The following SEMA4B variants were observed in gnomAD, a reference collection of about 807,000 sequenced individuals.
The protein encoded by SEMA4B is semaphorin-4B.
In SEMA4B, 55 loss-of-function variants were observed where a neutral mutation model predicts 88.1. The ratio of observed to expected loss-of-function variants is 0.62; its 90% CI spans 0.50 to 0.78. The LOEUF (loss-of-function observed/expected upper bound fraction) is 0.78. Among genes scored for constraint, SEMA4B ranks in the 30% least tolerant of loss-of-function variants. The pLI is 0.00. For synonymous variants in SEMA4B, 525 were observed against 473.6 expected, an observed-to-expected ratio of 1.11 and a Z score of -1.41; for missense variants, 1,062 against 1,111.9, an observed-to-expected ratio of 0.96 and a Z score of 0.64.
Position 90,201,470 on chromosome 15 carries a change from G to A in SEMA4B, c.-109G>A. The A allele has an allele frequency of 7.7e-7, 1 of 1,306,362 alleles. No individual in the cohort carries two copies. The allele number at this position is 1,306,362 out of a possible 1,614,324, so 80.9% of individuals were successfully genotyped here. On this transcript the variant is annotated 5_prime_UTR_variant, in exon 1 of 14. Transcript: ENST00000411539. ...TCCCGCCCCCCAGGTCCGGAGGCGGGGGCCCCCGGGGCGACTCGGGGGCGG... is the reference window on the plus strand; with the variant it reads ...TCCCGCCCCCCAGGTCCGGAGGCGGAGGCCCCCGGGGCGACTCGGGGGCGG...
intron 1 of SEMA4B, chr15:90,206,530 A>T: frequency 2.4e-6 from 1 of 413,604 alleles, no homozygotes; most frequent in Non-Finnish European, 4.5e-6. Context: ...GCTCAGGCTC[A>T]GTTGCGTTCA....
At chr15:90,213,402 C>T (rs1269233033) in intron 1 of SEMA4B, among the ~76,000 whole-genome samples, 2 of 152,260 alleles carry the variant, frequency 1.3e-5, no homozygotes, top group Non-Finnish European at 2.9e-5. Context: ...GCCCTTCACC[C>T]CCCTCTCCAA....
chr15:90,217,997 A>G, intron 3 of SEMA4B, 168 bp downstream of exon 3: 1 of 597,108 alleles, frequency 1.7e-6, no homozygotes, highest in Non-Finnish European at 3.0e-6. Context: ...CTACACTTAC[A>G]TCGCTACGAC....
intron 1 of SEMA4B, chr15:90,206,570 A>G (rs1244221149): frequency 3.9e-6 from 2 of 513,422 alleles, no homozygotes; most frequent in Non-Finnish European, 7.1e-6. Context: ...ACCCACTGCC[A>G]TGGCCGAGGA....
Position 90,223,910 on chromosome 15 carries a change from C to T in SEMA4B, c.1116C>T (p.Gly372=), listed in dbSNP as rs1046724414. ...TMKDVQRVFS[G]LYKEVNRETQ... ...AGGATGTGCAGAGAGTCTTCAGCGG[C>T]CTCTACAAGGAGGTGAACCGTGAGA... The change falls in exon 9 of 14, where the codon GGC becomes GGT. Residue 372 remains glycine, a synonymous_variant. Coordinates refer to ENST00000411539, the MANE Select transcript of SEMA4B (RefSeq NM_198925.4). 1 of 1,613,792 alleles carries T rather than the reference C, an allele frequency of 6.2e-7. No homozygotes were observed. Among genetic ancestry groups the T allele is most frequent in the African/African-American group, 1.3e-5 (1 of 74,932 alleles).
intron 1 of SEMA4B, chr15:90,192,007 G>T (rs1960358353): frequency 6.5e-6 from 1 of 152,694 alleles, no homozygotes; most frequent in Non-Finnish European, 1.5e-5. Context: ...CCAGGGCAGG[G>T]TGGAGAGCTG....
At position 90,225,938 on chromosome 15, in the gene SEMA4B, G is replaced by A. The variant is rs550734774; in HGVS notation, c.1688+111G>A. On this transcript the variant is annotated intron_variant, in intron 12 of 13. Transcript: ENST00000411539. ...CCACACAGCCTCGTTTATGTCCACT[G>A]TCTCAGCATAATTATTAATTAGCTC... 2.1e-5 allele frequency: 17 copies of A among 796,556 alleles called. No homozygotes were observed. In the African/African-American group the frequency reaches 2.7e-4, roughly 13 times the overall value. The allele number at this position is 796,556 out of a possible 1,614,324, so 49.3% of individuals were successfully genotyped here.
intron 4 of SEMA4B, chr15:90,220,145 C>T: frequency 4.4e-6 from 2 of 452,474 alleles, no homozygotes; most frequent in South Asian, 7.1e-5. Flanking sequence ...GCCACCCAGG[C>T]CTTGCTGCCC....
upstream of SEMA4B, among the ~76,000 whole-genome samples, chr15:90,196,702 T>G (rs540103381): frequency 2.6e-5 from 4 of 152,156 alleles, no homozygotes; most frequent in South Asian, 4.2e-4. Flanking sequence ...TTAGCCAGGA[T>G]GGTCTCGATC....
At chr15:90,187,061 G>C (rs1347917875) in intron 1 of SEMA4B, among the ~76,000 whole-genome samples, 1 of 152,244 alleles carries the variant, frequency 6.6e-6, no homozygotes, top group Non-Finnish European at 1.5e-5. Flanking sequence ...TCTCCCCGCT[G>C]CATGGGTCTT....
intron 9 of SEMA4B, among the ~76,000 whole-genome samples, chr15:90,224,410 A>G (rs895648845): frequency 6.6e-6 from 1 of 152,184 alleles, no homozygotes; most frequent in African/African-American, 2.4e-5. Context: ...CGTGCCAAAT[A>G]GTTTATTAGG....
chr15:90,206,532 T>A, intron 1 of SEMA4B: 1 of 415,588 alleles, frequency 2.4e-6, no homozygotes. Context: ...TCAGGCTCAG[T>A]TGCGTTCAAG....
Position 90,201,495 on chromosome 15 carries a change from G to C in SEMA4B, c.-84G>C. On this transcript the variant is annotated 5_prime_UTR_variant, in exon 1 of 14. Transcript: ENST00000411539. The stretch of plus-strand genomic sequence containing the variant: ...GGGCCCCCGGGGCGACTCGGGGGCG[G>C]ACCGCGGGGCGGAGCTGCCGCCCGT... The C allele has an allele frequency of 1.5e-6, 2 of 1,313,410 alleles. No homozygotes were observed. The highest frequency in any genetic ancestry group is 1.9e-6 in the Non-Finnish European group (2 of 1,034,598). The allele number at this position is 1,313,410 out of a possible 1,614,324, so 81.4% of individuals were successfully genotyped here. A position where few individuals can be genotyped will look rare whatever the true frequency, so the allele number is the denominator to read the frequency against.
intron 1 of SEMA4B, among the ~76,000 whole-genome samples, chr15:90,211,418 AC>A (rs1961261210): frequency 6.6e-6 from 1 of 151,898 alleles, no homozygotes; most frequent in African/African-American, 2.4e-5. Flanking sequence ...CCATGGGAGG[AC>A]CCTTGGCACA....
intron 12 of SEMA4B, among the ~76,000 whole-genome samples, chr15:90,226,980 AAGAG>A (rs1298903084): frequency 2.0e-5 from 3 of 152,062 alleles, no homozygotes; most frequent in East Asian, 1.9e-4. Context: ...AAAAAAGAAA[AAGAG>A]AGATCTATAC....
intron 1 of SEMA4B, among the ~76,000 whole-genome samples, chr15:90,207,406 T>G (rs1451125627): frequency 6.6e-6 from 1 of 152,216 alleles, no homozygotes; most frequent in East Asian, 1.9e-4. Flanking sequence ...TTTGGCATCT[T>G]TTGGCCCATC....
chr15:90,195,862 G>T (rs1006995290), intron 1 of SEMA4B, among the ~76,000 whole-genome samples: 1 of 151,678 alleles, frequency 6.6e-6, no homozygotes, highest in Non-Finnish European at 1.5e-5. Context: ...TGCCTGCCTC[G>T]GCATCCCAAA....
Position 90,228,358 on chromosome 15 carries a change from C to T in SEMA4B, c.2229C>T (p.Ser743=), listed in dbSNP as rs765428149. The T allele has an allele frequency of 3.1e-6, 5 of 1,601,538 alleles. No individual in the cohort carries two copies. The highest frequency in any genetic ancestry group is 4.5e-5 in the East Asian group (2 of 44,814). The part of the protein sequence containing the change: ...VLFLLYRHRN[S]MKVFLKQGEC... ...TCTTGCTCTACCGGCACCGGAACAGCATGAAAGTCTTCCTGAAGCAGGGGG... is the reference window on the plus strand; with the variant it reads ...TCTTGCTCTACCGGCACCGGAACAGTATGAAAGTCTTCCTGAAGCAGGGGG... The change falls in exon 14 of 14, where the codon AGC becomes AGT. Residue 743 remains serine, a synonymous_variant. Transcript: ENST00000411539.
At chr15:90,192,896 G>A (rs945717174) in intron 1 of SEMA4B, among the ~76,000 whole-genome samples, 8 of 151,890 alleles carry the variant, frequency 5.3e-5, no homozygotes, top group Non-Finnish European at 1.0e-4. Context: ...GCCTCGTTTC[G>A]GCCTCTTTAT....
Sources: allele counts gnomAD v4.1 joint callset (sites outside exome capture counted in the v4.1 genomes callset), GRCh38; gene constraint gnomAD v4.1.1; transcripts MANE v1.5; gene names NCBI Gene and HGNC (gene_info 2026-07-23, HGNC 2026-07-21).